The following AGO1 variants were observed in gnomAD, a reference collection of about 807,000 sequenced individuals.
AGO1 encodes the protein argonaute RISC component 1.
AGO1 carries 11 observed loss-of-function variants against 109.2 expected under a neutral mutation model. That is an observed-to-expected ratio of 0.10 (90% CI 0.06 to 0.17). The LOEUF is 0.17. Among genes scored for constraint, AGO1 ranks in the 10% least tolerant of loss-of-function variants. AGO1 has a pLI of 1.00. For synonymous variants in AGO1, 422 were observed against 418.6 expected, an observed-to-expected ratio of 1.01 and a Z score of -0.10; for missense variants, 574 against 1,140.3, an observed-to-expected ratio of 0.50 and a Z score of 7.15.
intron 15 of AGO1, 38 bp from the exon 16 acceptor site, chr1:35,917,555 G>A (rs1286944568): frequency 1.9e-6 from 3 of 1,598,890 alleles, no homozygotes; most frequent in Non-Finnish European, 2.6e-6. Flanking sequence ...GAGGAACTGT[G>A]TATTTCTTTG....
Position 35,929,840 on chromosome 1 carries a change from A to G in AGO1, c.*10233A>G, listed in dbSNP as rs1388370039. On this transcript the variant is annotated 3_prime_UTR_variant, in exon 19 of 19. Transcript: ENST00000373204. ...GGAGGATTTTCTCTGTGCTTTATGT[A>G]TATTACCTAACCTTACAAACTGTGT... The G allele has an allele frequency of 1.3e-5, 2 of 152,164 alleles. No individual in the cohort carries two copies. Among genetic ancestry groups the G allele is most frequent in the Non-Finnish European group, 2.9e-5 (2 of 68,032 alleles). The allele number at this position is 152,164 out of a possible 1,614,324, so 9.4% of individuals were successfully genotyped here.
intron 1 of AGO1, among the ~76,000 whole-genome samples, chr1:35,875,145 G>A (rs897974855): frequency 6.6e-6 from 1 of 152,202 alleles, no homozygotes; most frequent in Admixed American, 6.5e-5. Context: ...AGATGAAACA[G>A]CCTTCTGTTG....
intron 12 of AGO1, among the ~76,000 whole-genome samples, chr1:35,910,883 G>A (rs908037255): frequency 1.3e-5 from 2 of 152,106 alleles, no homozygotes; most frequent in Admixed American, 6.5e-5. Context: ...TGGCCAACAT[G>A]GTGAAACCCA....
chr1:35,893,234 T>C lies in AGO1; in HGVS notation c.468T>C (p.Ser156=). The change falls in exon 4 of 19, where the codon TCT becomes TCC. Residue 156 remains serine, a synonymous_variant. Transcript: ENST00000373204. This position sits in a 1 kb window ranked among gnomAD's most constrained non-coding sequence, Gnocchi z 5.6. ...VSGQIPVPLE[S]VQALDVAMRH... is the part of the protein sequence containing the mutation. Reference sequence around the variant, plus strand: ...GCCAGATCCCTGTTCCCTTGGAGTCTGTGCAAGCCCTGGATGTGGCCATGA... The same window carrying C: ...GCCAGATCCCTGTTCCCTTGGAGTCCGTGCAAGCCCTGGATGTGGCCATGA... 1 of 1,614,136 alleles carries C rather than the reference T, an allele frequency of 6.2e-7. No individual in the cohort carries two copies. Among genetic ancestry groups the C allele is most frequent in the Non-Finnish European group, 8.5e-7 (1 of 1,179,994 alleles).
chr1:35,888,551 C>T lies in AGO1; in HGVS notation c.150C>T (p.Ile50=), dbSNP rs200988923. The change falls in exon 2 of 19, where the codon ATC becomes ATT. Residue 50 remains isoleucine, a synonymous_variant. Transcript: ENST00000373204. This position sits in a 1 kb window ranked among gnomAD's most constrained non-coding sequence, Gnocchi z 4.1. ...ACTTTGAGGTGGACATCCCTAAGAT[C>T]GACGTGTACCACTACGAGGTGGACA... The part of the protein sequence containing the change: ...ANYFEVDIPK[I]DVYHYEVDIK... The T allele has an allele frequency of 3.2e-5, 51 of 1,614,066 alleles. No individual in the cohort carries two copies. Among genetic ancestry groups the T allele is most frequent in the Middle Eastern group, 1.6e-4 (1 of 6,084 alleles).
chr1:35,872,732 C>T (rs889410060), intron 1 of AGO1, among the ~76,000 whole-genome samples: 3 of 151,896 alleles, frequency 2.0e-5, no homozygotes, highest in African/African-American at 7.3e-5. Context: ...CCACTGGGCC[C>T]AGCTAATTTT....
chr1:35,902,493 TC>T (rs534884005), intron 11 of AGO1, among the ~76,000 whole-genome samples, 156 bp downstream of exon 11: 30 of 152,302 alleles, frequency 2.0e-4, no homozygotes, highest in African/African-American at 7.0e-4. Context: ...CAATTCTTTT[TC>T]TATCCATCTG....
rs1417491401 is a variant in AGO1 at position 35,925,136 on chromosome 1, G to A, written c.*5529G>A. 1 of 151,946 alleles carries A rather than the reference G, an allele frequency of 6.6e-6. No homozygotes were observed. The highest frequency in any genetic ancestry group is 1.5e-5 in the Non-Finnish European group (1 of 67,992). The allele number at this position is 151,946 out of a possible 1,614,324, so 9.4% of individuals were successfully genotyped here. A position where few individuals can be genotyped will look rare whatever the true frequency, so the allele number is the denominator to read the frequency against. On this transcript the variant is annotated 3_prime_UTR_variant, in exon 19 of 19. Transcript: ENST00000373204. ...TGGTGAGGTAGGAGAAGAAATCAGA[G>A]TAGAAGAAGGTTCATGAAGGGAGTG...
rs577341328 is a variant in AGO1 at position 35,884,089 on chromosome 1, A to AC, written c.25+650dup. On this transcript the variant is annotated intron_variant, in intron 1 of 18. Coordinates refer to ENST00000373204, the MANE Select transcript of AGO1 (RefSeq NM_012199.5). The stretch of plus-strand genomic sequence containing the variant: ...TGTCCGAATACCCCCACCTCTCCAC[A>AC]CCCCCCCGCCCCGCCCCGTTTGGCT... Among the ~76,000 whole-genome samples the AC allele has an allele frequency of 7.4e-3, 1,002 of 134,896 alleles. 7 individuals carry two copies. The highest frequency in any genetic ancestry group is 0.025 in the African/African-American group (919 of 36,872). The allele number at this position is 134,896 out of a possible 152,430, so 88.5% of individuals were successfully genotyped here.
chr1:35,901,941 C>T lies in AGO1; in HGVS notation c.1141-7C>T. 6.3e-7 allele frequency: 1 copy of T among 1,578,878 alleles called. No homozygotes were observed. Among genetic ancestry groups the T allele is most frequent in the Non-Finnish European group, 8.6e-7 (1 of 1,163,204 alleles). ...TTCTCCTGAGATTGCTCTCTTTTGT[C>T]CTGCAGATGAAGAATGCCAGCTACA... On this transcript the variant is annotated splice_polypyrimidine_tract_variant and splice_region_variant and intron_variant, in intron 9 of 18. Coordinates refer to ENST00000373204, the MANE Select transcript of AGO1 (RefSeq NM_012199.5). This position sits in a 1 kb window ranked among gnomAD's most constrained non-coding sequence, Gnocchi z 4.8.
intron 1 of AGO1, among the ~76,000 whole-genome samples, chr1:35,874,288 T>G (rs1015046535): frequency 1.3e-5 from 2 of 152,164 alleles, no homozygotes; most frequent in African/African-American, 4.8e-5. Context: ...CCACCTCAGC[T>G]TCCTGAGTAG....
chr1:35,879,873 C>G (rs1645022060), upstream of AGO1, among the ~76,000 whole-genome samples: 1 of 151,030 alleles, frequency 6.6e-6, no homozygotes, highest in South Asian at 2.1e-4. Flanking sequence ...TGGGGCCAGG[C>G]TTGACTTCAC....
chr1:35,883,296 G>C lies in AGO1; in HGVS notation c.-126G>C. ...AGGCTGCGGGGGCGGCGGCGCGAGC[G>C]GCCGGGCTTGGTAGGGGAGCCGAGC... On this transcript the variant is annotated 5_prime_UTR_variant, in exon 1 of 19. Coordinates refer to ENST00000373204, the MANE Select transcript of AGO1 (RefSeq NM_012199.5). This position sits in a 1 kb window ranked among gnomAD's most constrained non-coding sequence, Gnocchi z 5.4. 1.4e-6 allele frequency: 2 copies of C among 1,437,420 alleles called. No homozygotes were observed. The highest frequency in any genetic ancestry group is 2.9e-5 in the South Asian group (2 of 69,578). The allele number at this position is 1,437,420 out of a possible 1,614,324, so 89.0% of individuals were successfully genotyped here.
At chr1:35,906,329 A>G (rs548285407) in intron 11 of AGO1, among the ~76,000 whole-genome samples, 1 of 152,304 alleles carries the variant, frequency 6.6e-6, no homozygotes, top group Non-Finnish European at 1.5e-5. Flanking sequence ...TGGACATGTA[A>G]TGAAGCACAG....
rs894999613 is a variant in AGO1, at chr1:35,901,005, A to G, written c.1021-469A>G. Among the ~76,000 whole-genome samples, 13 of 147,806 alleles carry G rather than the reference A, an allele frequency of 8.8e-5. No homozygotes were observed. The highest frequency in any genetic ancestry group is 2.5e-4 in the African/African-American group (10 of 40,006). ...GCCCTTTTTTTTTTTTTTTTGAGAC[A>G]GGGTCTCACTCTGTCACCCAGGCTG... On this transcript the variant is annotated intron_variant, in intron 8 of 18. Transcript: ENST00000373204. The surrounding 1 kb of genome is among the most constrained non-coding windows in gnomAD (Gnocchi z 4.8).
upstream of AGO1, among the ~76,000 whole-genome samples, chr1:35,882,428 G>A (rs997919321): frequency 6.6e-6 from 1 of 152,156 alleles, no homozygotes; most frequent in African/African-American, 2.4e-5. The surrounding 1 kb of genome is among the most constrained non-coding windows in gnomAD (Gnocchi z 5.1). Flanking sequence ...AGAAGATGCC[G>A]CAGCCAAGTA....
upstream of AGO1, among the ~76,000 whole-genome samples, chr1:35,880,866 G>C (rs1645029419): frequency 6.6e-6 from 1 of 151,886 alleles, no homozygotes. Flanking sequence ...CACCATGTTG[G>C]CCAGGCTGGT....
chr1:35,896,051 G>A (rs1441555312), intron 8 of AGO1, among the ~76,000 whole-genome samples: 3 of 151,978 alleles, frequency 2.0e-5, no homozygotes, highest in Admixed American at 2.0e-4. Flanking sequence ...CCAGGCTGGA[G>A]TGCAATGGCA....
upstream of AGO1, among the ~76,000 whole-genome samples, chr1:35,880,959 C>T (rs1445327052): frequency 6.6e-6 from 1 of 152,082 alleles, no homozygotes; most frequent in Admixed American, 6.5e-5. Context: ...TGTGCCCGGC[C>T]ACTGAAGTGT....
Sources: gnomAD v4.1 joint callset for allele counts (sites outside exome capture counted in the v4.1 genomes callset) on GRCh38, gnomAD v4.1.1 for gene constraint, Gnocchi (gnomAD v3.1) non-coding constraint, MANE v1.5 for transcripts, NCBI Gene and HGNC (gene_info 2026-07-23, HGNC 2026-07-21) for gene names.